Variants in CPVL observed in about 807,000 individuals in gnomAD.
CPVL encodes the protein carboxypeptidase vitellogenic like.
CPVL carries 51 observed loss-of-function variants against 63.7 expected under a neutral mutation model. That is an observed-to-expected ratio of 0.80 (90% CI 0.64 to 1.01). The LOEUF (loss-of-function observed/expected upper bound fraction) is 1.01. Among genes scored for constraint, CPVL ranks in the 50% least tolerant of loss-of-function variants. The pLI, the probability that CPVL is intolerant of heterozygous loss-of-function variation, is 0.00. For synonymous variants in CPVL, 195 were observed against 206.0 expected (o/e 0.95, Z 0.46); for missense variants, 530 against 573.1 (o/e 0.92, Z 0.77).
At chr7:29,118,498 A>G (rs1789013940) in intron 2 of CPVL, among the ~76,000 whole-genome samples, 1 of 152,216 alleles carries the variant, frequency 6.6e-6, no homozygotes, top group Non-Finnish European at 1.5e-5. Context: ...TTGTGAGGTA[A>G]AAATCAGTCC....
chr7:29,121,460 T>C (rs1789363024), intron 1 of CPVL, among the ~76,000 whole-genome samples: 1 of 152,096 alleles, frequency 6.6e-6, no homozygotes. Flanking sequence ...ACCACTGACA[T>C]TTTTTAAAAT....
At chr7:29,144,267 G>A (rs1792208965) in intron 1 of CPVL, among the ~76,000 whole-genome samples, 1 of 152,132 alleles carries the variant, frequency 6.6e-6, no homozygotes, top group Non-Finnish European at 1.5e-5. Flanking sequence ...TTCCTATTAA[G>A]AAGGGGTCAC....
intron 12 of CPVL, chr7:29,011,155 G>T (rs1000931697): frequency 2.0e-5 from 3 of 152,266 alleles, no homozygotes; most frequent in African/African-American, 7.2e-5. Flanking sequence ...GGGCTGGGGA[G>T]AATCTATAAA....
intron 7 of CPVL, among the ~76,000 whole-genome samples, chr7:29,079,543 T>G (rs945687316): frequency 6.6e-6 from 1 of 152,196 alleles, no homozygotes; most frequent in Non-Finnish European, 1.5e-5. Flanking sequence ...AGGTAATGCA[T>G]AAAACAGTGC....
chr7:29,094,322 C>A (rs1365228177), intron 5 of CPVL, among the ~76,000 whole-genome samples: 1 of 150,800 alleles, frequency 6.6e-6, no homozygotes, highest in Admixed American at 6.6e-5. Flanking sequence ...GTCTGGGTGA[C>A]AGAGTGAGAT....
chr7:29,103,184 G>GGT (rs1444897673), intron 3 of CPVL, among the ~76,000 whole-genome samples: 1 of 49,386 alleles, frequency 2.0e-5, no homozygotes, highest in African/African-American at 8.4e-5. Context: ...ATATACTGGG[G>GGT]GGGGGGGGGG....
intron 1 of CPVL, among the ~76,000 whole-genome samples, chr7:29,132,165 A>G (rs948062993): frequency 2.0e-5 from 3 of 152,160 alleles, no homozygotes; most frequent in African/African-American, 7.2e-5. Context: ...TGAGGGCATG[A>G]GACAGTGTCT....
chr7:29,195,289 A>T (rs1229990883), upstream of CPVL: 1 of 355,520 alleles, frequency 2.8e-6, no homozygotes, highest in Non-Finnish European at 5.1e-6. Context: ...GCAGGCTCGC[A>T]CTTTCTGGCG....
intron 1 of CPVL, chr7:29,146,113 C>T (rs2128679388): frequency 6.4e-6 from 1 of 155,818 alleles, no homozygotes; most frequent in Admixed American, 6.4e-5. Context: ...GACCCCACAG[C>T]TTCGTACTTC....
chr7:29,170,007 A>G (rs1310175232), intron 5 of CPVL, among the ~76,000 whole-genome samples: 1 of 151,872 alleles, frequency 6.6e-6, no homozygotes, highest in Non-Finnish European at 1.5e-5. Flanking sequence ...CTCCTAAAGC[A>G]CTGGAGTTAC....
chr7:29,060,060 A>G (rs1185319060), intron 11 of CPVL, among the ~76,000 whole-genome samples: 1 of 152,176 alleles, frequency 6.6e-6, no homozygotes, highest in Non-Finnish European at 1.5e-5. Context: ...AAGCCTGTCC[A>G]TTCTTTTTTA....
At chr7:29,128,186 T>TGG (rs1562783316) in intron 1 of CPVL, 1 of 148,324 alleles carries the variant, frequency 6.7e-6, no homozygotes, top group Non-Finnish European at 1.5e-5. Context: ...TTTTTTTTTT[T>TGG]TTTTTTTTTT....
intron 12 of CPVL, among the ~76,000 whole-genome samples, chr7:29,005,797 C>G (rs909622720): frequency 2.0e-5 from 3 of 152,240 alleles, no homozygotes; most frequent in African/African-American, 7.2e-5. Flanking sequence ...CATCCTCATT[C>G]TCTCCTTCCC....
chr7:29,067,867 A>G (rs1185081505), intron 9 of CPVL, among the ~76,000 whole-genome samples: 1 of 152,166 alleles, frequency 6.6e-6, no homozygotes, highest in African/African-American at 2.4e-5. Context: ...TGAGATGATT[A>G]GGCCACGACT....
In CPVL at chr7:28,995,503, A is replaced by G; in HGVS notation, c.*269T>C. 1 of 319,240 alleles carries G rather than the reference A, an allele frequency of 3.1e-6. No individual in the cohort carries two copies. Among genetic ancestry groups the G allele is most frequent in the Non-Finnish European group, 5.6e-6 (1 of 178,328 alleles). The allele number at this position is 319,240 out of a possible 1,614,324, so 19.8% of individuals were successfully genotyped here. On this transcript the variant is annotated 3_prime_UTR_variant, in exon 13 of 13. Transcript: ENST00000265394. ...TTCCTATTCAAGACCCTAAAATTTCATTTATACATCTTGTCTCAGTGTCAC... is the reference window on the plus strand; with the variant it reads ...TTCCTATTCAAGACCCTAAAATTTCGTTTATACATCTTGTCTCAGTGTCAC...
chr7:29,093,817 G>C (rs1489622472), intron 5 of CPVL, among the ~76,000 whole-genome samples: 2 of 152,144 alleles, frequency 1.3e-5, no homozygotes, highest in Admixed American at 6.5e-5. Flanking sequence ...AAACAAGGTG[G>C]GGGAAAGAGC....
intron 1 of CPVL, among the ~76,000 whole-genome samples, chr7:29,124,825 T>C (rs1789824523): frequency 6.6e-6 from 1 of 152,048 alleles, no homozygotes; most frequent in South Asian, 2.1e-4. Context: ...AATTTTATAC[T>C]CAGAAAAAAG....
chr7:29,154,865 A>G (rs113914255), intron 5 of CPVL, among the ~76,000 whole-genome samples: 8,653 of 152,238 alleles, frequency 0.057, 280 homozygotes, highest in Middle Eastern at 0.11. Flanking sequence ...TGATAAAGAC[A>G]TACTCGAGAC....
At chr7:29,120,104 A>G (rs555709531) in intron 2 of CPVL, among the ~76,000 whole-genome samples, 1 of 152,330 alleles carries the variant, frequency 6.6e-6, no homozygotes, top group Non-Finnish European at 1.5e-5. Context: ...AAAAACTCAG[A>G]CAACATATGA....
Sources: gnomAD v4.1 joint callset for allele counts (sites outside exome capture counted in the v4.1 genomes callset) on GRCh38, gnomAD v4.1.1 for gene constraint, MANE v1.5 for transcripts, NCBI Gene and HGNC (gene_info 2026-07-23, HGNC 2026-07-21) for gene names.